Variants in LRP5 observed in about 807,000 individuals in gnomAD.
The protein encoded by LRP5 is low-density lipoprotein receptor-related protein 5.
A neutral mutation model predicts 154.1 loss-of-function variants in LRP5; 62 were observed. The observed-to-expected ratio is 0.40, with a 90% CI of 0.33 to 0.50. The LOEUF (loss-of-function observed/expected upper bound fraction) is 0.50. Ranked by LOEUF, LRP5 falls within the 20% of genes least tolerant of loss-of-function variation. The pLI is 0.55. For synonymous variants in LRP5, 966 were observed against 1,011.5 expected (o/e 0.96, Z 0.85); for missense variants, 1,915 against 2,336.7 (o/e 0.82, Z 3.72).
chr11:68,346,859 C>A (rs1169909340), intron 1 of LRP5, among the ~76,000 whole-genome samples: 1 of 152,188 alleles, frequency 6.6e-6, no homozygotes, highest in African/African-American at 2.4e-5. Flanking sequence ...CCCTCTGAGT[C>A]TGTGTTGGGG....
intron 5 of LRP5, among the ~76,000 whole-genome samples, chr11:68,367,767 A>G (rs1315144498): frequency 6.6e-6 from 1 of 152,180 alleles, no homozygotes; most frequent in African/African-American, 2.4e-5. Flanking sequence ...GCAAAGGTGT[A>G]AAACAGGCAG....
At chr11:68,315,074 C>T (rs2098592194) in intron 1 of LRP5, among the ~76,000 whole-genome samples, 1 of 152,116 alleles carries the variant, frequency 6.6e-6, no homozygotes, top group African/African-American at 2.4e-5. Flanking sequence ...CTTGCAGCGA[C>T]GGGTTGCAGG....
chr11:68,406,892 C>G (rs1382429512), intron 9 of LRP5, 79 bp downstream of exon 9: 1 of 1,428,560 alleles, frequency 7.0e-7, no homozygotes, highest in Non-Finnish European at 9.7e-7. Flanking sequence ...AGGCTTCAGA[C>G]ACTTTTCTTA....
intron 7 of LRP5, among the ~76,000 whole-genome samples, chr11:68,393,138 A>C (rs994254202): frequency 1.3e-5 from 2 of 151,462 alleles, no homozygotes; most frequent in Non-Finnish European, 2.9e-5. Context: ...TGAAAAAAAA[A>C]ACAAAAAAAA....
intron 8 of LRP5, among the ~76,000 whole-genome samples, chr11:68,406,161 T>C (rs1435137979): frequency 1.3e-5 from 2 of 152,160 alleles, no homozygotes; most frequent in Admixed American, 1.3e-4. Context: ...CCTGACAAGG[T>C]CCAGTCAGAG....
At chr11:68,420,564 T>C (rs1226335975) in intron 13 of LRP5, among the ~76,000 whole-genome samples, 1 of 151,864 alleles carries the variant, frequency 6.6e-6, no homozygotes, top group Non-Finnish European at 1.5e-5. Flanking sequence ...ATTAGCTGGG[T>C]GTGGTGGCGC....
chr11:68,427,533 A>C (rs575923552), intron 16 of LRP5, among the ~76,000 whole-genome samples: 1 of 152,292 alleles, frequency 6.6e-6, no homozygotes, highest in South Asian at 2.1e-4. Context: ...TACAAAAATT[A>C]GCTGGGTGTG....
chr11:68,362,774 C>A (rs1410456050), intron 3 of LRP5, among the ~76,000 whole-genome samples: 2 of 151,774 alleles, frequency 1.3e-5, no homozygotes, highest in Non-Finnish European at 2.9e-5. Context: ...CAAAAATGAA[C>A]AGAAGAGGTG....
intron 5 of LRP5, among the ~76,000 whole-genome samples, chr11:68,384,120 C>A (rs949978972): frequency 1.3e-5 from 2 of 152,130 alleles, no homozygotes; most frequent in African/African-American, 4.8e-5. Context: ...CGTGGGCGCC[C>A]TCTAGTGGAG....
At chr11:68,394,959 A>G (rs774923734) in intron 7 of LRP5, among the ~76,000 whole-genome samples, 4 of 152,084 alleles carry the variant, frequency 2.6e-5, no homozygotes, top group Non-Finnish European at 4.4e-5. Flanking sequence ...AGGGAGAGAC[A>G]CCCTCTGAGC....
intron 5 of LRP5, among the ~76,000 whole-genome samples, chr11:68,370,100 A>G (rs1271671272): frequency 6.6e-6 from 1 of 152,014 alleles, no homozygotes; most frequent in South Asian, 2.1e-4. Context: ...GTGGGCTGTC[A>G]GTGGGAGCCA....
intron 16 of LRP5, among the ~76,000 whole-genome samples, chr11:68,427,975 T>TTATTTA (rs1565105932): frequency 0.023 from 982 of 43,420 alleles, 7 homozygotes; most frequent in East Asian, 0.1. Flanking sequence ...ATTTTATTTT[T>TTATTTA]TTTATTTATT....
intron 2 of LRP5, among the ~76,000 whole-genome samples, chr11:68,355,157 A>G (rs1470469061): frequency 1.3e-5 from 2 of 152,162 alleles, no homozygotes; most frequent in Non-Finnish European, 2.9e-5. Context: ...GCAGAGCACC[A>G]TGGTGGGGGA....
the LRP5 span, among the ~76,000 whole-genome samples, chr11:68,306,424 C>G: frequency 6.6e-6 from 1 of 152,238 alleles, no homozygotes; most frequent in African/African-American, 2.4e-5. Context: ...GCTTGAGCCA[C>G]TGTGCCCAGC....
At chr11:68,418,478 G>A (rs2098663822) in intron 13 of LRP5, among the ~76,000 whole-genome samples, 1 of 152,078 alleles carries the variant, frequency 6.6e-6, no homozygotes, top group Admixed American at 6.5e-5. Context: ...TTATTGTGGT[G>A]AAATCTTGGT....
upstream of LRP5, among the ~76,000 whole-genome samples, chr11:68,309,422 C>T (rs943325377): frequency 3.4e-5 from 5 of 148,392 alleles, no homozygotes; most frequent in Non-Finnish European, 7.4e-5. Flanking sequence ...TTAGTAGAAA[C>T]GGGGGTTTTA....
intron 1 of LRP5, among the ~76,000 whole-genome samples, chr11:68,326,891 A>G (rs1474154540): frequency 1.3e-5 from 2 of 152,146 alleles, no homozygotes; most frequent in Non-Finnish European, 2.9e-5. Flanking sequence ...TCTCGCTCCT[A>G]GGTTGCTGTG....
At chr11:68,369,782 C>T (rs1374914560) in intron 5 of LRP5, among the ~76,000 whole-genome samples, 2 of 152,122 alleles carry the variant, frequency 1.3e-5, no homozygotes, top group African/African-American at 2.4e-5. Flanking sequence ...ATCCCAGACT[C>T]ATGGCTCAGT....
At chr11:68,320,481 A>G (rs1162414300) in intron 1 of LRP5, among the ~76,000 whole-genome samples, 2 of 139,952 alleles carry the variant, frequency 1.4e-5, no homozygotes, top group Non-Finnish European at 3.0e-5. Context: ...TTTGAGACAG[A>G]GTCTCGCTGT....
Sources: allele counts gnomAD v4.1 joint callset (sites outside exome capture counted in the v4.1 genomes callset), GRCh38; gene constraint gnomAD v4.1.1; transcripts MANE v1.5; gene names NCBI Gene and HGNC (gene_info 2026-07-23, HGNC 2026-07-21).